The following MEOX1 variants were observed in gnomAD, a reference collection of about 807,000 sequenced individuals.
MEOX1 encodes the protein mesenchyme homeobox 1, also known as homeobox protein MOX-1.
In MEOX1, 17 loss-of-function variants were observed where a neutral mutation model predicts 23.2. The observed-to-expected ratio is 0.73, with a 90% CI of 0.50 to 1.10. MEOX1 has a LOEUF of 1.10. Among genes scored for constraint, MEOX1 ranks in the 50% least tolerant of loss-of-function variants. MEOX1 has a pLI of 0.00. For synonymous variants in MEOX1, 134 were observed against 135.1 expected, an observed-to-expected ratio of 0.99 and a Z score of 0.06; for missense variants, 333 against 332.2, an observed-to-expected ratio of 1.00 and a Z score of -0.02.
intron 1 of MEOX1, among the ~76,000 whole-genome samples, chr17:43,649,353 G>T (rs952495865): frequency 6.7e-5 from 9 of 134,392 alleles, no homozygotes; most frequent in Non-Finnish European, 9.2e-5. Flanking sequence ...GCTGGAGATT[G>T]GTCACTGCAA....
At chr17:43,658,916 G>A (rs958242079) in intron 1 of MEOX1, among the ~76,000 whole-genome samples, 1 of 152,212 alleles carries the variant, frequency 6.6e-6, no homozygotes, top group Non-Finnish European at 1.5e-5. Flanking sequence ...CTCCTGAGGG[G>A]ACCCTTAGGG....
At position 43,661,388 on chromosome 17, in the gene MEOX1, T is replaced by C. The variant is rs1311947423; in HGVS notation, c.147A>G (p.Pro49=). ...PPTPFSFHQK[P]DFLATATAAY... ...CTGCCGTCGCTGTCGCCAGGAAGTC[T>C]GGTTTCTGGTGGAAGGAGAACGGGG... Residue 49 remains proline (P), a synonymous_variant, in exon 1 of 3, where the codon CCA becomes CCG. Transcript: ENST00000318579. The C allele has an allele frequency of 6.7e-7, 1 of 1,484,118 alleles. No homozygotes were observed. The highest frequency in any genetic ancestry group is 9.1e-7 in the Non-Finnish European group (1 of 1,100,264). 91.9% of individuals were successfully genotyped at this position (1,484,118 alleles called of 1,614,324 possible).
intron 1 of MEOX1, among the ~76,000 whole-genome samples, chr17:43,657,006 T>TTC (rs763989127): frequency 2.2e-4 from 24 of 109,042 alleles, no homozygotes; most frequent in East Asian, 4.7e-4. Context: ...TTTTCTTTCT[T>TTC]TCTTTCTCTT....
rs377362118 is a variant in MEOX1 at position 43,654,333 on chromosome 17, AC to A, written c.469+6732del. Reference sequence around the variant, plus strand: ...AGACCAGCCTGGCCAACATGGTAAAACCCCTGTCTACTAAAAATGCAAAAAT... The same window carrying A: ...AGACCAGCCTGGCCAACATGGTAAAACCCTGTCTACTAAAAATGCAAAAAT... On this transcript the variant is annotated intron_variant, in intron 1 of 2. Coordinates refer to ENST00000318579, the MANE Select transcript of MEOX1 (RefSeq NM_004527.4). 6.0e-3 allele frequency among the ~76,000 whole-genome samples: 918 copies of A among 151,850 alleles called. 7 individuals are homozygous for A. Among genetic ancestry groups the A allele is most frequent in the African/African-American group, 0.02 (844 of 41,388 alleles).
intron 1 of MEOX1, among the ~76,000 whole-genome samples, chr17:43,646,155 G>C (rs1479958976): frequency 1.3e-5 from 2 of 152,162 alleles, no homozygotes; most frequent in African/African-American, 2.4e-5. Flanking sequence ...CCTGGCGCGG[G>C]CTGCCTGCCC....
At chr17:43,650,628 A>G (rs567270522) in intron 1 of MEOX1, among the ~76,000 whole-genome samples, 2 of 152,286 alleles carry the variant, frequency 1.3e-5, no homozygotes, top group African/African-American at 4.8e-5. Context: ...AGAGGGAAAA[A>G]GAAGGGAATA....
Position 43,641,917 on chromosome 17 carries a change from G to C in MEOX1, c.758C>G (p.Ser253Ter). 1.9e-6 allele frequency: 3 copies of C among 1,613,026 alleles called. No homozygotes were observed. In the South Asian group the frequency reaches 3.3e-5, roughly 18 times the overall value. ...EDGDSTASPS[S>*]E is the part of the protein sequence containing the mutation. ...TTTCCTCCATGCAGAATCTCACTCT[G>C]AACTTGGAGAGGCTGTGGAGTCCCC... Residue 253 changes from serine to a stop codon, truncating the protein, a stop_gained, in exon 3 of 3, where the codon TCA becomes TGA. Coordinates refer to ENST00000318579, the MANE Select transcript of MEOX1 (RefSeq NM_004527.4). LOFTEE classifies it high-confidence loss of function.
chr17:43,661,770 C>T lies in MEOX1; in HGVS notation c.-236G>A. 1 of 403,494 alleles carries T rather than the reference C, an allele frequency of 2.5e-6. No individual in the cohort carries two copies. The highest frequency in any genetic ancestry group is 4.3e-6 in the Non-Finnish European group (1 of 229,928). 25.0% of individuals were successfully genotyped at this position (403,494 alleles called of 1,614,324 possible). A position where few individuals can be genotyped will look rare whatever the true frequency, so the allele number is the denominator to read the frequency against. ...TGTGCACACACCTATGTCGGGCTTG[C>T]TCCTGCCCCTCCAATGCACCAGCCT... On this transcript the variant is annotated 5_prime_UTR_variant, in exon 1 of 3. Transcript: ENST00000318579.
At chr17:43,645,833 C>G (rs1277498351) in intron 1 of MEOX1, among the ~76,000 whole-genome samples, 1 of 152,258 alleles carries the variant, frequency 6.6e-6, no homozygotes, top group Admixed American at 6.5e-5. Flanking sequence ...CACTCAATCC[C>G]TTTGTATTTC....
chr17:43,661,329 G>T lies in MEOX1; in HGVS notation c.206C>A (p.Ala69Asp). ...YPDFSASCLA[A>D]TPHSLPQEEH... The stretch of plus-strand genomic sequence containing the variant: ...CTCCTGGGGCAGGCTGTGTGGGGTG[G>T]CTGCCAGGCAGGAGGCTGAGAAGTC... Residue 69 changes from alanine (A) to aspartate (D), a missense_variant, in exon 1 of 3, where the codon GCC becomes GAC. Transcript: ENST00000318579. 6.2e-7 allele frequency: 1 copy of T among 1,613,260 alleles called. No homozygotes were observed. The highest frequency in any genetic ancestry group is 8.5e-7 in the Non-Finnish European group (1 of 1,179,498).
At chr17:43,644,602 G>A (rs1169660893) in intron 1 of MEOX1, among the ~76,000 whole-genome samples, 2 of 152,174 alleles carry the variant, frequency 1.3e-5, no homozygotes, top group African/African-American at 4.8e-5. Flanking sequence ...AAATTCAGGC[G>A]ATTTGACACA....
chr17:43,661,560 C>CCTG lies in MEOX1; in HGVS notation c.-27_-26insCAG. The CCTG allele has an allele frequency of 1.5e-6, 2 of 1,318,494 alleles. No individual in the cohort carries two copies. The highest frequency in any genetic ancestry group is 1.8e-5 in the South Asian group (1 of 56,322). 81.7% of individuals were successfully genotyped at this position (1,318,494 alleles called of 1,614,324 possible). On this transcript the variant is annotated 5_prime_UTR_variant, in exon 1 of 3. Coordinates refer to ENST00000318579, the MANE Select transcript of MEOX1 (RefSeq NM_004527.4). ...CTGCTGTCCGCTGCACGCCTCGGTC[C>CCTG]TTTCAAAGATTTGATTCTTTATACT...
rs12945407 is a variant in MEOX1 at position 43,659,525 on chromosome 17, G to A, written c.469+1541C>T. Reference sequence around the variant, plus strand: ...AAGGGGGTGATACCGGGGGCCTGAAGCCTGGGGTTTGAGCTCACTTCTAGG... The same window carrying A: ...AAGGGGGTGATACCGGGGGCCTGAAACCTGGGGTTTGAGCTCACTTCTAGG... On this transcript the variant is annotated intron_variant, in intron 1 of 2. Transcript: ENST00000318579. Among the ~76,000 whole-genome samples, 1,419 of 152,230 alleles carry A rather than the reference G, an allele frequency of 9.3e-3. 29 individuals carry two copies. The highest frequency in any genetic ancestry group is 0.033 in the African/African-American group (1,366 of 41,520).
chr17:43,656,600 C>A (rs1021936226), intron 1 of MEOX1, among the ~76,000 whole-genome samples: 2 of 152,138 alleles, frequency 1.3e-5, no homozygotes, highest in African/African-American at 4.8e-5. Flanking sequence ...AGACAAATCA[C>A]GTCTGATTAA....
intron 1 of MEOX1, among the ~76,000 whole-genome samples, chr17:43,646,275 C>T (rs1007735742): frequency 6.6e-6 from 1 of 152,076 alleles, no homozygotes; most frequent in Non-Finnish European, 1.5e-5. Context: ...CCGAGGAGCC[C>T]TCCGGCCTTG....
intron 1 of MEOX1, among the ~76,000 whole-genome samples, chr17:43,656,053 C>T (rs1973012773): frequency 6.6e-6 from 1 of 152,142 alleles, no homozygotes; most frequent in South Asian, 2.1e-4. Context: ...TAAGAAACCT[C>T]AGAAGAGTTC....
At chr17:43,656,010 A>G (rs1197497500) in intron 1 of MEOX1, among the ~76,000 whole-genome samples, 1 of 152,166 alleles carries the variant, frequency 6.6e-6, no homozygotes, top group East Asian at 1.9e-4. Context: ...CCAATTTTTA[A>G]AAAAGGAGAT....
At chr17:43,654,607 G>A (rs1422033298) in intron 1 of MEOX1, among the ~76,000 whole-genome samples, 2 of 152,086 alleles carry the variant, frequency 1.3e-5, no homozygotes, top group Non-Finnish European at 2.9e-5. Context: ...GATTGTTTGA[G>A]GCCAAGAGTT....
At chr17:43,648,236 G>A (rs891070719) in intron 1 of MEOX1, among the ~76,000 whole-genome samples, 22 of 152,122 alleles carry the variant, frequency 1.4e-4, no homozygotes, top group African/African-American at 3.9e-4. Flanking sequence ...TTGGGAGGCC[G>A]AGGCGGGCGG....
Sources: gnomAD v4.1 joint callset for allele counts (sites outside exome capture counted in the v4.1 genomes callset) on GRCh38, gnomAD v4.1.1 for gene constraint, MANE v1.5 for transcripts, NCBI Gene and HGNC (gene_info 2026-07-23, HGNC 2026-07-21) for gene names.